The following ELOVL6 variants were observed in gnomAD, a reference collection of about 807,000 sequenced individuals.
ELOVL6 encodes very long chain fatty acid elongase 6.
In ELOVL6, 8 loss-of-function variants were observed where a neutral mutation model predicts 31.7. The ratio of observed to expected loss-of-function variants is 0.25; its 90% CI spans 0.15 to 0.45. The LOEUF (loss-of-function observed/expected upper bound fraction) is 0.45, where lower values mean the gene tolerates loss of function less well. ELOVL6 is among the 20% of genes least tolerant of loss of function. ELOVL6 has a pLI of 1.00. For synonymous variants in ELOVL6, 101 were observed against 117.7 expected, an observed-to-expected ratio of 0.86 and a Z score of 0.92; for missense variants, 126 against 326.4, an observed-to-expected ratio of 0.39 and a Z score of 4.73.
chr4:110,123,779 C>T (rs1487810184), intron 1 of ELOVL6, among the ~76,000 whole-genome samples: 1 of 152,156 alleles, frequency 6.6e-6, no homozygotes, highest in Non-Finnish European at 1.5e-5. Context: ...GAAAATTCAA[C>T]ATATTGAGAT....
chr4:110,089,432 G>A (rs549335332), intron 2 of ELOVL6, among the ~76,000 whole-genome samples: 1 of 152,200 alleles, frequency 6.6e-6, no homozygotes, highest in African/African-American at 2.4e-5. Context: ...GCAGGCTTGA[G>A]TCTGTGCAAA....
chr4:110,080,133 T>C (rs931525722), intron 2 of ELOVL6, among the ~76,000 whole-genome samples: 3 of 152,124 alleles, frequency 2.0e-5, no homozygotes, highest in African/African-American at 7.2e-5. Flanking sequence ...CAGGACCAGA[T>C]GGATTCACAG....
chr4:110,197,403 C>T (rs1759840315), intron 1 of ELOVL6, among the ~76,000 whole-genome samples: 1 of 152,152 alleles, frequency 6.6e-6, no homozygotes, highest in South Asian at 2.1e-4. Context: ...GGTGTTTTCC[C>T]TGATTATTAG....
intron 2 of ELOVL6, among the ~76,000 whole-genome samples, chr4:110,061,344 C>G (rs1050047172): frequency 6.6e-6 from 1 of 152,088 alleles, no homozygotes; most frequent in Non-Finnish European, 1.5e-5. Flanking sequence ...TTGCATTTCT[C>G]CCCTGTTCAT....
At chr4:110,188,778 G>A (rs1759520621) in intron 1 of ELOVL6, among the ~76,000 whole-genome samples, 1 of 151,656 alleles carries the variant, frequency 6.6e-6, no homozygotes, top group Admixed American at 6.6e-5. Context: ...TGTAATCCCA[G>A]CTACTCAAGA....
At chr4:110,163,846 T>A (rs537289864) in intron 1 of ELOVL6, among the ~76,000 whole-genome samples, 2 of 152,318 alleles carry the variant, frequency 1.3e-5, no homozygotes, top group East Asian at 3.9e-4. Flanking sequence ...GAGAACTAAC[T>A]GTAAGATCGA....
intron 1 of ELOVL6, among the ~76,000 whole-genome samples, chr4:110,126,087 A>C (rs1757488387): frequency 6.6e-6 from 1 of 152,076 alleles, no homozygotes; most frequent in African/African-American, 2.4e-5. Flanking sequence ...TCTGTTGCCC[A>C]GGCTGGAGTG....
intron 2 of ELOVL6, among the ~76,000 whole-genome samples, chr4:110,084,040 TAAC>T (rs1353173589): frequency 1.8e-5 from 1 of 55,266 alleles, no homozygotes; most frequent in African/African-American, 9.1e-5. Context: ...ATATGGTATA[TAAC>T]ACATGCTATA....
chr4:110,107,675 C>T (rs1365430221), intron 1 of ELOVL6, among the ~76,000 whole-genome samples: 1 of 152,088 alleles, frequency 6.6e-6, no homozygotes, highest in Non-Finnish European at 1.5e-5. Context: ...ACTTAAGAGT[C>T]ACAATCACTG....
intron 1 of ELOVL6, among the ~76,000 whole-genome samples, chr4:110,144,075 A>G (rs1484486815): frequency 1.4e-5 from 2 of 139,740 alleles, no homozygotes; most frequent in East Asian, 4.2e-4. Flanking sequence ...AAAAAAAAAA[A>G]GATGAGGGGT....
chr4:110,141,855 G>GTATATATATATATATATATATATA (rs57733252), intron 1 of ELOVL6, among the ~76,000 whole-genome samples: 20 of 126,632 alleles, frequency 1.6e-4, no homozygotes, highest in Non-Finnish European at 2.1e-4. Flanking sequence ...AATACAATTA[G>GTATATATATATATATATATATATA]TATATATATA....
intron 1 of ELOVL6, among the ~76,000 whole-genome samples, chr4:110,111,358 C>CTTTTTTTTT (rs3033269): frequency 6.9e-6 from 1 of 144,894 alleles, no homozygotes; most frequent in Non-Finnish European, 1.5e-5. Flanking sequence ...CTTAGAATTC[C>CTTTTTTTTT]TTTTTTTTTT....
intron 1 of ELOVL6, among the ~76,000 whole-genome samples, chr4:110,183,320 C>T (rs981190187): frequency 6.6e-6 from 1 of 152,158 alleles, no homozygotes; most frequent in Non-Finnish European, 1.5e-5. Context: ...AATATTTGAA[C>T]CCAGCTGTAA....
chr4:110,172,548 T>A (rs930527733), intron 1 of ELOVL6, among the ~76,000 whole-genome samples: 1 of 151,988 alleles, frequency 6.6e-6, no homozygotes, highest in Non-Finnish European at 1.5e-5. Flanking sequence ...GGATTAGAGG[T>A]AGATAGTACT....
At chr4:110,161,472 C>A (rs1758629883) in intron 1 of ELOVL6, among the ~76,000 whole-genome samples, 1 of 152,142 alleles carries the variant, frequency 6.6e-6, no homozygotes, top group Non-Finnish European at 1.5e-5. Context: ...GTTGCCTGAC[C>A]TGCACATCCC....
intron 2 of ELOVL6, among the ~76,000 whole-genome samples, chr4:110,094,665 A>T (rs62325353): frequency 2.6e-5 from 4 of 151,300 alleles, no homozygotes. Flanking sequence ...GTCAAAAACT[A>T]AGGGCCAGGC....
At chr4:110,111,097 A>C (rs1757021960) in intron 1 of ELOVL6, among the ~76,000 whole-genome samples, 1 of 152,192 alleles carries the variant, frequency 6.6e-6, no homozygotes, top group African/African-American at 2.4e-5. Flanking sequence ...ATGGCTGCAC[A>C]TCCCTTTCCA....
At position 110,126,555 on chromosome 4, in the gene ELOVL6, T is replaced by C. The variant is rs557843262; in HGVS notation, c.90-20927A>G. On this transcript the variant is annotated intron_variant, in intron 1 of 3. Coordinates refer to ENST00000302274, the MANE Select transcript of ELOVL6 (RefSeq NM_024090.3). Reference sequence around the variant, plus strand: ...ACTCTCTGGTGTTATGTAACAAATTTAAGAGGATTTGAAGGTGCTAGTCAT... The same window carrying C: ...ACTCTCTGGTGTTATGTAACAAATTCAAGAGGATTTGAAGGTGCTAGTCAT... 7.2e-5 allele frequency among the ~76,000 whole-genome samples: 11 copies of C among 152,306 alleles called. No homozygotes were observed. In the East Asian group the frequency reaches 1.3e-3, roughly 19 times the overall value.
intron 1 of ELOVL6, among the ~76,000 whole-genome samples, chr4:110,151,328 T>C (rs1041118420): frequency 6.6e-6 from 1 of 151,984 alleles, no homozygotes; most frequent in Admixed American, 6.6e-5. Flanking sequence ...CTTATAAACA[T>C]AGCCTAAAGG....
Sources: allele counts gnomAD v4.1 joint callset (sites outside exome capture counted in the v4.1 genomes callset), GRCh38; gene constraint gnomAD v4.1.1; transcripts MANE v1.5; gene names NCBI Gene and HGNC (gene_info 2026-07-23, HGNC 2026-07-21).